Variants in SNTB1 observed in about 807,000 individuals in gnomAD.
SNTB1 encodes the protein syntrophin beta 1.
SNTB1 carries 36 observed loss-of-function variants against 48.9 expected under a neutral mutation model. The observed-to-expected ratio is 0.74, with a 90% CI of 0.56 to 0.97. The LOEUF (loss-of-function observed/expected upper bound fraction) is 0.97, where lower values mean the gene tolerates loss of function less well. Ranked by LOEUF, SNTB1 falls within the 50% of genes least tolerant of loss-of-function variation. SNTB1 has a pLI of 0.00. For synonymous variants in SNTB1, 299 were observed against 294.6 expected, an observed-to-expected ratio of 1.01 and a Z score of -0.15; for missense variants, 786 against 703.4, an observed-to-expected ratio of 1.12 and a Z score of -1.33.
chr8:120,809,028 A>G (rs1820385390), intron 1 of SNTB1, among the ~76,000 whole-genome samples: 1 of 152,232 alleles, frequency 6.6e-6, no homozygotes, highest in Non-Finnish European at 1.5e-5. Context: ...ACTGCATTTC[A>G]GAATACGAAG....
chr8:120,584,891 A>G lies in SNTB1; in HGVS notation c.997-9666T>C, dbSNP rs59274159. 7.2e-3 allele frequency among the ~76,000 whole-genome samples: 1,089 copies of G among 152,220 alleles called. 15 individuals carry two copies. Among genetic ancestry groups the G allele is most frequent in the African/African-American group, 0.024 (1,000 of 41,512 alleles). On this transcript the variant is annotated intron_variant, in intron 3 of 6. Transcript: ENST00000517992. ...GCATGAAGGAAGAGACCAGGGTGAT[A>G]CGTTTCCATGCCAAGGAATGCCAGA...
chr8:120,595,122 G>A (rs1450136252), intron 3 of SNTB1, among the ~76,000 whole-genome samples: 2 of 152,078 alleles, frequency 1.3e-5, no homozygotes, highest in East Asian at 3.9e-4. Context: ...ACATCGCTGT[G>A]CTTTGTCTCT....
At position 120,631,751 on chromosome 8, in the gene SNTB1, G is replaced by GA. The variant is rs533617852; in HGVS notation, c.996+692dup. On this transcript the variant is annotated intron_variant, in intron 3 of 6. Coordinates refer to ENST00000517992, the MANE Select transcript of SNTB1 (RefSeq NM_021021.4). ...ATCTTTAACATATCACATAACTTGG[G>GA]AAAAAAAAATCAGGGACTGTGTTAA... Among the ~76,000 whole-genome samples, 985 of 150,820 alleles carry GA rather than the reference G, an allele frequency of 6.5e-3. 9 individuals are homozygous for GA. The highest frequency in any genetic ancestry group is 0.02 in the African/African-American group (837 of 41,140).
Position 120,575,208 on chromosome 8 carries a change from CT to C in SNTB1, c.1013del (p.Lys338ArgfsTer11). On this transcript the variant is annotated frameshift_variant, in exon 4 of 7. Transcript: ENST00000517992. LOFTEE classifies it high-confidence loss of function. Reference protein sequence around the residue: ...WLAEKVPGESKKQWKPALVVL... With the variant: ...WLAEKVPGESXKQWKPALVVL... ...CAACCAGGGCTGGTTTCCACTGTTTCTTGCTCTCCCCTGGCACCTGAAAAAG... is the reference window on the plus strand; with the variant it reads ...CAACCAGGGCTGGTTTCCACTGTTTCTGCTCTCCCCTGGCACCTGAAAAAG... 6.2e-7 allele frequency: 1 copy of C among 1,614,166 alleles called. No individual in the cohort carries two copies. The highest frequency in any genetic ancestry group is 1.1e-5 in the South Asian group (1 of 91,078).
At chr8:120,617,493 C>T (rs1816734022) in intron 3 of SNTB1, among the ~76,000 whole-genome samples, 1 of 152,154 alleles carries the variant, frequency 6.6e-6, no homozygotes, top group African/African-American at 2.4e-5. Flanking sequence ...TTTATAAATA[C>T]TGGGTGAAGA....
intron 1 of SNTB1, among the ~76,000 whole-genome samples, chr8:120,762,914 C>T (rs4130537): frequency 0.023 from 3,501 of 152,204 alleles, 135 homozygotes; most frequent in African/African-American, 0.08. Context: ...ATGCATAGAA[C>T]TTTAAGACTT....
chr8:120,631,964 G>C (rs532343486), intron 3 of SNTB1, among the ~76,000 whole-genome samples: 1 of 152,144 alleles, frequency 6.6e-6, no homozygotes, highest in Non-Finnish European at 1.5e-5. Flanking sequence ...CATAAGAAAA[G>C]AGCCAGCATA....
intron 1 of SNTB1, among the ~76,000 whole-genome samples, chr8:120,746,949 A>G (rs995056628): frequency 1.3e-5 from 2 of 152,216 alleles, no homozygotes; most frequent in Non-Finnish European, 1.5e-5. Context: ...GGATGTCATC[A>G]TGAATAGTTT....
chr8:120,756,850 G>A (rs1276598911), intron 1 of SNTB1, among the ~76,000 whole-genome samples: 4 of 152,130 alleles, frequency 2.6e-5, no homozygotes, highest in Admixed American at 1.3e-4. Context: ...TGACATCTGA[G>A]GCTTGCAAGA....
intron 3 of SNTB1, 96 bp downstream of exon 3, chr8:120,632,348 G>A: frequency 9.0e-7 from 1 of 1,116,964 alleles, no homozygotes; most frequent in African/African-American, 1.5e-5. Context: ...CTGTGAATGA[G>A]AGAATCAGCC....
chr8:120,559,289 G>C (rs987497947), intron 4 of SNTB1, among the ~76,000 whole-genome samples: 4 of 152,184 alleles, frequency 2.6e-5, no homozygotes, highest in African/African-American at 9.7e-5. Flanking sequence ...TAGGGAGGTA[G>C]AGTTACCTTC....
chr8:120,761,215 C>T (rs1345607765), intron 1 of SNTB1: 1 of 152,132 alleles, frequency 6.6e-6, no homozygotes, highest in African/African-American at 2.4e-5. Context: ...AACTGCAAGG[C>T]TCAGATTCTA....
At chr8:120,547,693 A>G (rs1815407307) in intron 5 of SNTB1, among the ~76,000 whole-genome samples, 1 of 151,884 alleles carries the variant, frequency 6.6e-6, no homozygotes. Flanking sequence ...ATACTGTACT[A>G]TAGAAGGGTT....
intron 1 of SNTB1, among the ~76,000 whole-genome samples, chr8:120,755,647 T>C (rs1819306853): frequency 6.6e-6 from 1 of 152,040 alleles, no homozygotes. Flanking sequence ...AAATAACAAT[T>C]ATAATAGTAG....
At chr8:120,753,497 A>G (rs967826791) in intron 1 of SNTB1, among the ~76,000 whole-genome samples, 1 of 152,130 alleles carries the variant, frequency 6.6e-6, no homozygotes, top group East Asian at 1.9e-4. Context: ...CTATTTCTCA[A>G]TAGCACTACT....
At chr8:120,699,699 A>G (rs1201660220) in intron 1 of SNTB1, among the ~76,000 whole-genome samples, 2 of 152,214 alleles carry the variant, frequency 1.3e-5, no homozygotes, top group Non-Finnish European at 2.9e-5. Context: ...CATTGGCCAG[A>G]ACTTACTCAC....
intron 4 of SNTB1, among the ~76,000 whole-genome samples, chr8:120,559,378 G>T (rs1355758859): frequency 6.6e-6 from 1 of 152,172 alleles, no homozygotes; most frequent in Non-Finnish European, 1.5e-5. Flanking sequence ...GGTCAGCATG[G>T]ATCCAATTTG....
chr8:120,781,941 G>A (rs928484602), intron 1 of SNTB1, among the ~76,000 whole-genome samples: 7 of 152,192 alleles, frequency 4.6e-5, no homozygotes, highest in African/African-American at 1.4e-4. Flanking sequence ...GTTTGCTAGG[G>A]CTGTCATAAC....
intron 2 of SNTB1, among the ~76,000 whole-genome samples, chr8:120,639,687 G>A (rs1817153266): frequency 6.6e-6 from 1 of 152,140 alleles, no homozygotes; most frequent in African/African-American, 2.4e-5. Context: ...TCAGATGGTT[G>A]TAGATGTGTG....
Sources: gnomAD v4.1 joint callset for allele counts (sites outside exome capture counted in the v4.1 genomes callset) on GRCh38, gnomAD v4.1.1 for gene constraint, MANE v1.5 for transcripts, NCBI Gene and HGNC (gene_info 2026-07-23, HGNC 2026-07-21) for gene names.